The following CTDSPL2 variants were observed in gnomAD, a reference collection of about 807,000 sequenced individuals.
CTDSPL2 encodes CTD small phosphatase-like protein 2.
A neutral mutation model predicts 60.0 loss-of-function variants in CTDSPL2; 5 were observed. The ratio of observed to expected loss-of-function variants is 0.08; its 90% CI spans 0.04 to 0.18. CTDSPL2 has a LOEUF of 0.18. Ranked by LOEUF, CTDSPL2 falls within the 10% of genes least tolerant of loss-of-function variation. The pLI, the probability that CTDSPL2 is intolerant of heterozygous loss-of-function variation, is 1.00. For synonymous variants in CTDSPL2, 186 were observed against 189.3 expected, an observed-to-expected ratio of 0.98 and a Z score of 0.14; for missense variants, 370 against 548.8, an observed-to-expected ratio of 0.67 and a Z score of 3.26.
intron 12 of CTDSPL2, among the ~76,000 whole-genome samples, chr15:44,523,651 T>A (rs1274578326): frequency 6.6e-6 from 1 of 152,102 alleles, no homozygotes; most frequent in Non-Finnish European, 1.5e-5. Flanking sequence ...CAAACAAATC[T>A]TCTTGGGAGG....
chr15:44,448,947 AT>A (rs2080277699), intron 1 of CTDSPL2: 5 of 412,908 alleles, frequency 1.2e-5, no homozygotes, highest in Non-Finnish European at 9.1e-6. Flanking sequence ...CCAATCCATG[AT>A]TTTTTTCATC....
chr15:44,504,898 G>T (rs1247442832), intron 8 of CTDSPL2, among the ~76,000 whole-genome samples: 1 of 152,074 alleles, frequency 6.6e-6, no homozygotes, highest in Non-Finnish European at 1.5e-5. Flanking sequence ...ATAATTAATT[G>T]TAGATGAATA....
chr15:44,498,859 G>T (rs1259574678), intron 7 of CTDSPL2, among the ~76,000 whole-genome samples: 1 of 151,934 alleles, frequency 6.6e-6, no homozygotes, highest in African/African-American at 2.4e-5. Flanking sequence ...AGATCATCTG[G>T]TGCTGAGTAA....
chr15:44,448,653 T>C, intron 1 of CTDSPL2: 1 of 322,248 alleles, frequency 3.1e-6, no homozygotes, highest in Non-Finnish European at 6.1e-6. Context: ...TCTCCCATTT[T>C]ATTCTAAATC....
chr15:44,524,205 G>A lies in CTDSPL2; in HGVS notation c.*31G>A, dbSNP rs760585776. On this transcript the variant is annotated 3_prime_UTR_variant, in exon 13 of 13. Transcript: ENST00000260327. ...AAGACTTGTCAAATCACTGAAGGGG[G>A]AGAGAATGCAGGACCCTTTTGGACT... 7.0e-6 allele frequency: 11 copies of A among 1,575,508 alleles called. No homozygotes were observed. The highest frequency in any genetic ancestry group is 1.7e-4 in the Middle Eastern group (1 of 5,768).
chr15:44,493,518 G>T (rs571503292), intron 5 of CTDSPL2, among the ~76,000 whole-genome samples: 4 of 152,176 alleles, frequency 2.6e-5, no homozygotes, highest in Non-Finnish European at 5.9e-5. Context: ...TCTTGGCTGG[G>T]TGCCGTGGCT....
chr15:44,464,204 AC>A (rs1375537772), intron 2 of CTDSPL2, among the ~76,000 whole-genome samples: 1 of 152,210 alleles, frequency 6.6e-6, no homozygotes, highest in East Asian at 1.9e-4. Flanking sequence ...GTAAGCAGTT[AC>A]TATTTGCCAA....
At position 44,527,497 on chromosome 15, in the gene CTDSPL2, A is replaced by G. The variant is rs1595791300; in HGVS notation, c.*3323A>G. The G allele has an allele frequency of 6.6e-6, 1 of 152,292 alleles. No individual in the cohort carries two copies. 9.4% of individuals were successfully genotyped at this position (152,292 alleles called of 1,614,324 possible). A position where few individuals can be genotyped will look rare whatever the true frequency, so the allele number is the denominator to read the frequency against. ...CTTTCCTGCGAGCACAGAATTCTTC[A>G]TAAGGACCAGATCTCTTCCATGTCT... is the stretch of plus-strand genomic sequence containing the variant. On this transcript the variant is annotated 3_prime_UTR_variant, in exon 13 of 13. Transcript: ENST00000260327.
At chr15:44,490,613 A>G (rs764970317) in intron 4 of CTDSPL2, among the ~76,000 whole-genome samples, 171 bp from the exon 5 acceptor site, 6 of 152,166 alleles carry the variant, frequency 3.9e-5, no homozygotes, top group Non-Finnish European at 7.4e-5. Context: ...GTAAGTCTTT[A>G]TTCTTCATTG....
At chr15:44,447,460 ATTCAGAT>A in intron 1 of CTDSPL2, 1 of 152,416 alleles carries the variant, frequency 6.6e-6, no homozygotes, top group East Asian at 1.9e-4. Context: ...TAAAAAAGTA[ATTCAGAT>A]TTCATCAAAA....
At chr15:44,510,026 G>C (rs2081539029) in intron 8 of CTDSPL2, among the ~76,000 whole-genome samples, 1 of 149,532 alleles carries the variant, frequency 6.7e-6, no homozygotes, top group Non-Finnish European at 1.5e-5. Context: ...TCACTCTGTT[G>C]CCCAGACTGG....
chr15:44,521,937 C>CAAAAAAAAAAAAAA (rs904398715), intron 12 of CTDSPL2, among the ~76,000 whole-genome samples: 1 of 60,778 alleles, frequency 1.6e-5, no homozygotes, highest in African/African-American at 8.4e-5. Context: ...GACTCCGTCT[C>CAAAAAAAAAAAAAA]AAAAAAAAAA....
intron 6 of CTDSPL2, among the ~76,000 whole-genome samples, chr15:44,496,684 A>G (rs1423857096): frequency 6.6e-6 from 1 of 152,092 alleles, no homozygotes; most frequent in Non-Finnish European, 1.5e-5. Flanking sequence ...AACGTGGCAA[A>G]ACCTCGTCCC....
At chr15:44,499,939 TCAA>T (rs1171386545) in intron 8 of CTDSPL2, 126 bp downstream of exon 8, 3 of 567,734 alleles carry the variant, frequency 5.3e-6, no homozygotes, top group Non-Finnish European at 9.6e-6. Flanking sequence ...ATGGATTTCA[TCAA>T]CATTTTAATG....
At chr15:44,451,804 T>C (rs1473715204) in intron 1 of CTDSPL2, among the ~76,000 whole-genome samples, 3 of 152,234 alleles carry the variant, frequency 2.0e-5, no homozygotes, top group African/African-American at 7.2e-5. Flanking sequence ...ATGTCTCTGC[T>C]TAATTATTAT....
At position 44,526,752 on chromosome 15, in the gene CTDSPL2, AGGT is replaced by A. The variant is rs2081881220; in HGVS notation, c.*2580_*2582del. The A allele has an allele frequency of 6.6e-6, 1 of 151,986 alleles. No individual in the cohort carries two copies. Among genetic ancestry groups the A allele is most frequent in the African/African-American group, 2.4e-5 (1 of 41,382 alleles). The allele number at this position is 151,986 out of a possible 1,614,324, so 9.4% of individuals were successfully genotyped here. A position where few individuals can be genotyped will look rare whatever the true frequency, so the allele number is the denominator to read the frequency against. Reference sequence around the variant, plus strand: ...AAAAAACTTCCATTTAGTTAATCGGAGGTGTGTATTTTTTAAATTGAAATGTGC... The same window carrying A: ...AAAAAACTTCCATTTAGTTAATCGGAGTGTATTTTTTAAATTGAAATGTGC... On this transcript the variant is annotated 3_prime_UTR_variant, in exon 13 of 13. Transcript: ENST00000260327.
rs1198933103 is a variant in CTDSPL2, at chr15:44,524,933, A to G, written c.*759A>G. On this transcript the variant is annotated 3_prime_UTR_variant, in exon 13 of 13. Transcript: ENST00000260327. ...TCAAAAATCAAGAGACTGGGTAGAT[A>G]AGAATATATGAATGACTAATATACA... is the stretch of plus-strand genomic sequence containing the variant. 1.3e-5 allele frequency: 2 copies of G among 153,392 alleles called. No homozygotes were observed. Among genetic ancestry groups the G allele is most frequent in the African/African-American group, 4.8e-5 (2 of 41,518 alleles). 9.5% of individuals were successfully genotyped at this position (153,392 alleles called of 1,614,324 possible).
At chr15:44,520,572 A>G (rs1026406376) in intron 11 of CTDSPL2, 1 of 152,224 alleles carries the variant, frequency 6.6e-6, no homozygotes, top group African/African-American at 2.4e-5. Flanking sequence ...AATAAAAAGA[A>G]AACAAGTGAA....
intron 1 of CTDSPL2, among the ~76,000 whole-genome samples, chr15:44,430,062 G>C (rs2079826001): frequency 6.6e-6 from 1 of 152,134 alleles, no homozygotes; most frequent in East Asian, 1.9e-4. Context: ...AAGAAATTAA[G>C]AATTGGGGAA....
Sources: gnomAD v4.1 joint callset for allele counts (sites outside exome capture counted in the v4.1 genomes callset) on GRCh38, gnomAD v4.1.1 for gene constraint, MANE v1.5 for transcripts, NCBI Gene and HGNC (gene_info 2026-07-23, HGNC 2026-07-21) for gene names.